PREX2: variants seen among roughly 807,000 people sequenced by gnomAD.
The protein encoded by PREX2 is phosphatidylinositol 3,4,5-trisphosphate-dependent Rac exchanger 2 protein.
A neutral mutation model predicts 203.2 loss-of-function variants in PREX2; 107 were observed. The observed-to-expected ratio is 0.53, with a 90% CI of 0.45 to 0.62. PREX2 has a LOEUF of 0.62. Among genes scored for constraint, PREX2 ranks in the 20% least tolerant of loss-of-function variants. PREX2 has a pLI of 0.00. For synonymous variants in PREX2, 672 were observed against 663.6 expected (o/e 1.01, Z -0.19); for missense variants, 1,777 against 1,955.9 (o/e 0.91, Z 1.72).
At chr8:68,067,635 T>C (rs906174896) in intron 11 of PREX2, among the ~76,000 whole-genome samples, 1 of 152,044 alleles carries the variant, frequency 6.6e-6, no homozygotes, top group Non-Finnish European at 1.5e-5. Flanking sequence ...GGAAGTTATA[T>C]GGTTTTCTAT....
At chr8:68,020,029 A>T (rs922198995) in intron 3 of PREX2, among the ~76,000 whole-genome samples, 12 of 152,200 alleles carry the variant, frequency 7.9e-5, no homozygotes, top group African/African-American at 2.9e-4. Flanking sequence ...CATTCCTATA[A>T]TGGCACGATG....
At chr8:68,076,484 AG>A (rs1305557555) in intron 14 of PREX2, among the ~76,000 whole-genome samples, 9 of 152,012 alleles carry the variant, frequency 5.9e-5, no homozygotes. Flanking sequence ...ATTGTTAGAA[AG>A]AGTCCAGAAA....
At chr8:68,002,785 A>G (rs1167884467) in intron 1 of PREX2, among the ~76,000 whole-genome samples, 2 of 152,198 alleles carry the variant, frequency 1.3e-5, no homozygotes, top group African/African-American at 4.8e-5. Flanking sequence ...TAAAATTATA[A>G]TGCCTACTAC....
chr8:68,191,220 G>A (rs913776495), intron 35 of PREX2, among the ~76,000 whole-genome samples: 10 of 152,134 alleles, frequency 6.6e-5, no homozygotes, highest in South Asian at 6.2e-4. Flanking sequence ...GGAAAGAATC[G>A]CCTCAGTGTT....
At chr8:67,995,222 A>G (rs1345317807) in intron 1 of PREX2, among the ~76,000 whole-genome samples, 1 of 152,084 alleles carries the variant, frequency 6.6e-6, no homozygotes, top group Non-Finnish European at 1.5e-5. Context: ...TCATGATTAC[A>G]TTTTTTGTGA....
intron 35 of PREX2, among the ~76,000 whole-genome samples, chr8:68,183,291 T>G (rs1036827744): frequency 6.6e-6 from 1 of 152,190 alleles, no homozygotes; most frequent in Non-Finnish European, 1.5e-5. Flanking sequence ...GTAAGAATTT[T>G]ATTATTTTGA....
intron 1 of PREX2, among the ~76,000 whole-genome samples, chr8:68,005,499 C>T (rs889763839): frequency 1.3e-5 from 2 of 152,192 alleles, no homozygotes; most frequent in Non-Finnish European, 2.9e-5. Flanking sequence ...ATGACCTGCC[C>T]TCACCTAACA....
Position 67,987,913 on chromosome 8 carries a change from G to GTA in PREX2, c.142-29932_142-29931insAT, listed in dbSNP as rs35551338. Among the ~76,000 whole-genome samples the GTA allele has an allele frequency of 1.7e-3, 44 of 25,460 alleles. 1 individual carries two copies. The Middle Eastern group carries it at 0.14, about 80-fold the overall frequency. 16.7% of individuals were successfully genotyped at this position (25,460 alleles called of 152,430 possible). A position where few individuals can be genotyped will look rare whatever the true frequency, so the allele number is the denominator to read the frequency against. On this transcript the variant is annotated intron_variant, in intron 1 of 39. Coordinates refer to ENST00000288368, the MANE Select transcript of PREX2 (RefSeq NM_024870.4). ...CCTCAGGAATTGTGGCAGCCAGGGA[G>GTA]TGTGTGTGTGTGTGTGTGTGTGTGA...
rs187445204 is a variant in PREX2, at chr8:68,113,001, A to T, written c.3147-2752A>T. On this transcript the variant is annotated intron_variant, in intron 25 of 39. Transcript: ENST00000288368. Reference sequence around the variant, plus strand: ...TTCTTATCAATGGCACAAGGAGAAGATTCACCTGGAATTGCATGCTGCTGA... The same window carrying T: ...TTCTTATCAATGGCACAAGGAGAAGTTTCACCTGGAATTGCATGCTGCTGA... Among the ~76,000 whole-genome samples, 128 of 152,318 alleles carry T rather than the reference A, an allele frequency of 8.4e-4. 1 individual carries two copies. Among genetic ancestry groups the T allele is most frequent in the Admixed American group, 3.3e-3 (51 of 15,304 alleles).
At chr8:68,171,494 G>T (rs559719002) in intron 35 of PREX2, among the ~76,000 whole-genome samples, 1 of 151,394 alleles carries the variant, frequency 6.6e-6, no homozygotes, top group Non-Finnish European at 1.5e-5. Context: ...AAAAAAAATC[G>T]GTAGCTATGC....
intron 25 of PREX2, among the ~76,000 whole-genome samples, chr8:68,115,025 T>C (rs868404298): frequency 1.3e-4 from 18 of 135,104 alleles, no homozygotes; most frequent in Non-Finnish European, 2.0e-4. Flanking sequence ...TTCTTTCTTT[T>C]TTTTTTTTTT....
intron 11 of PREX2, among the ~76,000 whole-genome samples, chr8:68,066,382 A>G (rs1392963430): frequency 6.6e-6 from 1 of 151,830 alleles, no homozygotes; most frequent in African/African-American, 2.4e-5. Flanking sequence ...CCTCACCAAC[A>G]CTTCTGTCTT....
At chr8:68,182,673 G>T (rs1463815036) in intron 35 of PREX2, among the ~76,000 whole-genome samples, 9 of 151,760 alleles carry the variant, frequency 5.9e-5, no homozygotes, top group Admixed American at 5.9e-4. Context: ...ATGAAATAAA[G>T]TTCGATTCAG....
In PREX2 at chr8:68,097,039, T is replaced by C; in HGVS notation, c.2391T>C (p.Thr797=). Residue 797 remains threonine, a synonymous_variant, in exon 22 of 40, where the codon ACT becomes ACC. Coordinates refer to ENST00000288368, the MANE Select transcript of PREX2 (RefSeq NM_024870.4). ...CAGAGGTTATTGACAAATTCAACAC[T>C]ATGGCCATCATTGATGGGAAGAAGG... ...KVEEVIDKFN[T]MAIIDGKKEH... is the part of the protein sequence containing the mutation. 1 of 1,613,784 alleles carries C rather than the reference T, an allele frequency of 6.2e-7. No individual in the cohort carries two copies. The highest frequency in any genetic ancestry group is 8.5e-7 in the Non-Finnish European group (1 of 1,179,782).
At chr8:68,204,237 G>A (rs1465705499) in intron 37 of PREX2, among the ~76,000 whole-genome samples, 3 of 152,108 alleles carry the variant, frequency 2.0e-5, no homozygotes, top group Non-Finnish European at 4.4e-5. Flanking sequence ...AACCCCAGAA[G>A]GTCCCTAATC....
At chr8:68,080,622 G>T (rs750482521) in intron 16 of PREX2, 37 bp downstream of exon 16, 2 of 1,530,692 alleles carry the variant, frequency 1.3e-6, no homozygotes, top group South Asian at 2.4e-5. Context: ...TTTTCTTCTT[G>T]ATTAGACACT....
chr8:68,134,180 T>A lies in PREX2; in HGVS notation c.3888T>A (p.Asn1296Lys). Reference protein sequence around the residue: ...LNQMFDNSKENEMETWEASRR... With the variant: ...LNQMFDNSKEKEMETWEASRR... ...AGATGTTTGACAACAGCAAGGAAAA[T>A]GAGATGGAAACTTGGGAAGCCAGCA... is the stretch of plus-strand genomic sequence containing the variant. The change falls in exon 32 of 40, where the codon AAT (asparagine) becomes AAA (lysine). Residue 1296 changes from asparagine to lysine, a missense_variant. Asn to Lys is a moderately conservative substitution (Grantham distance 94, BLOSUM62 0). Coordinates refer to ENST00000288368, the MANE Select transcript of PREX2 (RefSeq NM_024870.4). The A allele has an allele frequency of 6.2e-7, 1 of 1,613,918 alleles. No individual in the cohort carries two copies. Among genetic ancestry groups the A allele is most frequent in the South Asian group, 1.1e-5 (1 of 91,076 alleles).
chr8:68,091,760 C>T (rs1218855661), intron 20 of PREX2, among the ~76,000 whole-genome samples: 3 of 152,094 alleles, frequency 2.0e-5, no homozygotes. Flanking sequence ...TCTCTTCTAC[C>T]AGAATGTTAA....
rs557221327 is a variant in PREX2, at chr8:68,149,068, C to CA, written c.4231+2723dup. Among the ~76,000 whole-genome samples the CA allele has an allele frequency of 1.5e-3, 224 of 151,992 alleles. 1 individual carries two copies. The highest frequency in any genetic ancestry group is 4.9e-3 in the African/African-American group (203 of 41,456). ...TTGTATATACATGACTCTTTGCTAGCAAAAAAATAGAAGAAATGGATGAAT... is the reference window on the plus strand; with the variant it reads ...TTGTATATACATGACTCTTTGCTAGCAAAAAAAATAGAAGAAATGGATGAAT... On this transcript the variant is annotated intron_variant, in intron 34 of 39. Transcript: ENST00000288368.
Sources: allele counts gnomAD v4.1 joint callset (sites outside exome capture counted in the v4.1 genomes callset), GRCh38; gene constraint gnomAD v4.1.1; transcripts MANE v1.5; gene names NCBI Gene and HGNC (gene_info 2026-07-23, HGNC 2026-07-21).